The following RAD51B variants were observed in gnomAD, a reference collection of about 807,000 sequenced individuals.
RAD51B encodes RAD51 paralog B.
A neutral mutation model predicts 42.2 loss-of-function variants in RAD51B; 38 were observed. That is an observed-to-expected ratio of 0.90 (90% confidence interval 0.70 to 1.18). The LOEUF is 1.18. RAD51B is among the 50% of genes most tolerant of loss of function. RAD51B has a pLI of 0.00. For missense variants in RAD51B, 373 were observed against 400.7 expected (o/e 0.93, Z 0.59); for synonymous variants, 154 against 145.2 (o/e 1.06, Z -0.43).
At chr14:68,269,138 A>G (rs2081051802) in intron 7 of RAD51B, among the ~76,000 whole-genome samples, 1 of 152,190 alleles carries the variant, frequency 6.6e-6, no homozygotes, top group African/African-American at 2.4e-5. Flanking sequence ...GGAATTGAGC[A>G]CTCATGAATA....
intron 7 of RAD51B, among the ~76,000 whole-genome samples, chr14:68,270,544 G>A (rs956928956): frequency 6.6e-6 from 1 of 152,190 alleles, no homozygotes; most frequent in Admixed American, 6.5e-5. Flanking sequence ...TTTTTCTGGA[G>A]ATAGCACATT....
intron 10 of RAD51B, among the ~76,000 whole-genome samples, chr14:68,492,452 T>G (rs974088359): frequency 2.0e-5 from 3 of 152,214 alleles, no homozygotes; most frequent in Non-Finnish European, 4.4e-5. Context: ...TGGATCTTTC[T>G]TAGAAGTCCA....
chr14:68,433,754 G>A (rs2085074735), intron 9 of RAD51B, among the ~76,000 whole-genome samples: 1 of 152,202 alleles, frequency 6.6e-6, no homozygotes, highest in South Asian at 2.1e-4. Flanking sequence ...ACTCGTCAAG[G>A]TCATTCTCCG....
chr14:68,484,359 C>CTTTTTT (rs10665607), intron 10 of RAD51B, among the ~76,000 whole-genome samples: 4,283 of 130,048 alleles, frequency 0.033, 140 homozygotes, highest in African/African-American at 0.062. Context: ...CTTTCTTTTT[C>CTTTTTT]TTTTTTTTTT....
rs116010732 is a variant in RAD51B at position 68,521,264 on chromosome 14, A to G, written c.1036+53014A>G. Among the ~76,000 whole-genome samples, 767 of 152,286 alleles carry G rather than the reference A, an allele frequency of 5.0e-3. 7 individuals are homozygous for G. The highest frequency in any genetic ancestry group is 0.018 in the African/African-American group (736 of 41,560). On this transcript the variant is annotated intron_variant, in intron 10 of 10. Coordinates refer to the RAD51B transcript ENST00000487270. ...TTTTATGAGTGGGCAACGTGAAAGT[A>G]CCAACATCAGAAAAGCACCTCAGGA...
chr14:68,438,860 T>C (rs1356043949), intron 9 of RAD51B, among the ~76,000 whole-genome samples: 3 of 152,140 alleles, frequency 2.0e-5, no homozygotes, highest in Admixed American at 2.0e-4. Context: ...AAATGTAAAG[T>C]CCAGGGGAGT....
chr14:68,439,486 TACTGATGG>T (rs2085232005), intron 9 of RAD51B, among the ~76,000 whole-genome samples: 1 of 112,058 alleles, frequency 8.9e-6, no homozygotes, highest in African/African-American at 3.7e-5. Context: ...TGTCCCATTT[TACTGATGG>T]ACCTTGACAG....
intron 10 of RAD51B, among the ~76,000 whole-genome samples, chr14:68,545,939 A>G (rs1888211625): frequency 6.6e-6 from 1 of 152,108 alleles, no homozygotes; most frequent in Admixed American, 6.5e-5. Context: ...TACCTGCCCC[A>G]CCCCATTATT....
At chr14:68,651,454 C>T (rs1190700096) in intron 11 of RAD51B, among the ~76,000 whole-genome samples, 2 of 152,204 alleles carry the variant, frequency 1.3e-5, no homozygotes, top group Non-Finnish European at 2.9e-5. Context: ...TGTGAGCCAG[C>T]ATGCCCGGCC....
chr14:68,072,078 A>T (rs866083682), intron 7 of RAD51B, among the ~76,000 whole-genome samples: 1,712 of 96,524 alleles, frequency 0.018, 63 homozygotes, highest in African/African-American at 0.045. Flanking sequence ...TAAATATATA[A>T]ATATATATAA....
intron 8 of RAD51B, among the ~76,000 whole-genome samples, chr14:68,298,163 G>A (rs528270452): frequency 3.6e-4 from 51 of 142,488 alleles, no homozygotes; most frequent in African/African-American, 1.1e-3. Flanking sequence ...TGTGGTATTC[G>A]GCTAAAGAAA....
chr14:68,193,923 AGTCTCTCTG>A (rs1473125018), intron 7 of RAD51B, among the ~76,000 whole-genome samples: 1 of 152,182 alleles, frequency 6.6e-6, no homozygotes, highest in Non-Finnish European at 1.5e-5. Flanking sequence ...TACCAGCAGT[AGTCTCTCTG>A]TGATCACACT....
chr14:68,337,969 G>T (rs2331727), intron 8 of RAD51B, among the ~76,000 whole-genome samples: 102,738 of 150,464 alleles, frequency 0.68, 35,059 homozygotes, highest in Non-Finnish European at 0.73. Context: ...GTTTTGTTTT[G>T]TTTTAAGAGA....
intron 9 of RAD51B, among the ~76,000 whole-genome samples, chr14:68,416,708 G>C (rs1007962854): frequency 1.3e-5 from 2 of 152,202 alleles, no homozygotes; most frequent in African/African-American, 4.8e-5. Context: ...GAATACTGAA[G>C]ATAGGAATAC....
chr14:68,150,565 G>A (rs1236114357), intron 7 of RAD51B, among the ~76,000 whole-genome samples: 6 of 152,078 alleles, frequency 3.9e-5, no homozygotes, highest in Non-Finnish European at 7.4e-5. Flanking sequence ...TTTCCCTTTT[G>A]TTGATGCTAG....
chr14:67,887,861 G>GT (rs1406954968), intron 7 of RAD51B, among the ~76,000 whole-genome samples: 1 of 152,182 alleles, frequency 6.6e-6, no homozygotes, highest in Non-Finnish European at 1.5e-5. Context: ...CCTGCAAGAC[G>GT]TAAGTGTGTA....
chr14:68,031,864 AT>A (rs1181649472), intron 7 of RAD51B, among the ~76,000 whole-genome samples: 1 of 152,104 alleles, frequency 6.6e-6, no homozygotes, highest in African/African-American at 2.4e-5. Flanking sequence ...TCCCATGATT[AT>A]TTTCCTCTGT....
intron 7 of RAD51B, among the ~76,000 whole-genome samples, chr14:68,066,059 ATTAT>A (rs2076645184): frequency 1.3e-5 from 2 of 152,040 alleles, no homozygotes; most frequent in Admixed American, 1.3e-4. Context: ...TATTTATTGC[ATTAT>A]TTATGATTAA....
At chr14:67,930,193 G>A (rs1430842096) in intron 7 of RAD51B, among the ~76,000 whole-genome samples, 1 of 152,006 alleles carries the variant, frequency 6.6e-6, no homozygotes, top group Non-Finnish European at 1.5e-5. Flanking sequence ...TAATATTCAA[G>A]GTTATTATTG....
Sources: allele counts gnomAD v4.1 joint callset (sites outside exome capture counted in the v4.1 genomes callset), GRCh38; gene constraint gnomAD v4.1.1; transcripts MANE v1.5; gene names NCBI Gene and HGNC (gene_info 2026-07-23, HGNC 2026-07-21).